WDPCP: variants seen among roughly 807,000 people sequenced by gnomAD.
WDPCP encodes the protein WD repeat containing planar cell polarity effector.
WDPCP carries 71 observed loss-of-function variants against 93.1 expected under a neutral mutation model. The observed-to-expected ratio is 0.76, with a 90% CI of 0.63 to 0.93. The LOEUF is 0.93. Among genes scored for constraint, WDPCP ranks in the 40% least tolerant of loss-of-function variants. WDPCP has a pLI of 0.00. For missense variants in WDPCP, 844 were observed against 887.4 expected, an observed-to-expected ratio of 0.95 and a Z score of 0.62; for synonymous variants, 315 against 315.0, an observed-to-expected ratio of 1.00 and a Z score of 0.00.
At chr2:63,501,679 C>T (rs1701562814) in intron 1 of WDPCP, among the ~76,000 whole-genome samples, 2 of 136,450 alleles carry the variant, frequency 1.5e-5, no homozygotes, top group African/African-American at 2.5e-5. Flanking sequence ...TGCAGCGGCG[C>T]GATCTCAGCT....
intron 1 of WDPCP, among the ~76,000 whole-genome samples, chr2:63,512,333 C>T (rs1388358175): frequency 5.9e-5 from 9 of 152,080 alleles, no homozygotes; most frequent in Admixed American, 4.6e-4. Flanking sequence ...GACAGTGTGG[C>T]GATTCCTCAA....
intron 1 of WDPCP, among the ~76,000 whole-genome samples, chr2:63,573,877 A>AG (rs1443455077): frequency 6.6e-6 from 1 of 151,980 alleles, no homozygotes; most frequent in Non-Finnish European, 1.5e-5. Flanking sequence ...TGGCCGCTTC[A>AG]GGGGGCAGCC....
intron 6 of WDPCP, among the ~76,000 whole-genome samples, chr2:63,480,927 A>G (rs1700230160): frequency 6.6e-6 from 1 of 152,200 alleles, no homozygotes; most frequent in Non-Finnish European, 1.5e-5. Flanking sequence ...AGCAAAAGGA[A>G]CAGTCAGCAG....
At chr2:63,234,215 C>T (rs990596908) in intron 14 of WDPCP, among the ~76,000 whole-genome samples, 1 of 152,146 alleles carries the variant, frequency 6.6e-6, no homozygotes, top group African/African-American at 2.4e-5. Context: ...GAGCAAGTCA[C>T]CTAGCCTGAG....
In WDPCP at chr2:63,460,334, C is replaced by T. The variant is rs554907212; in HGVS notation, c.385-20463G>A. On this transcript the variant is annotated intron_variant, in intron 6 of 17. Transcript: ENST00000272321. ...GGCACAGATACCAAAGACTGGGAAT[C>T]GGGGGTGGGGGAGAGAGTTCGGTTA... Among the ~76,000 whole-genome samples, 4 of 151,892 alleles carry T rather than the reference C, an allele frequency of 2.6e-5. No homozygotes were observed. The East Asian group carries it at 7.7e-4, about 29-fold the overall frequency.
intron 12 of WDPCP, among the ~76,000 whole-genome samples, chr2:63,337,177 C>T (rs896176125): frequency 1.5e-4 from 23 of 152,122 alleles, no homozygotes; most frequent in African/African-American, 5.1e-4. Context: ...CAGGCGTGAG[C>T]CACTGCGCAC....
chr2:63,437,695 A>G (rs11896820), intron 7 of WDPCP, 141 bp from the exon 8 acceptor site: 206,144 of 1,033,580 alleles, frequency 0.2, 22,044 homozygotes, highest in Middle Eastern at 0.34. Context: ...ATAGCATTTT[A>G]TAAAAATATT....
At chr2:63,299,092 A>T (rs539992681) in intron 13 of WDPCP, among the ~76,000 whole-genome samples, 26 of 152,314 alleles carry the variant, frequency 1.7e-4, no homozygotes, top group Non-Finnish European at 3.2e-4. Flanking sequence ...CTCTGGATGC[A>T]TGGAGAACGT....
intron 2 of WDPCP, among the ~76,000 whole-genome samples, chr2:63,686,193 G>A (rs945360441): frequency 2.0e-5 from 3 of 152,000 alleles, no homozygotes; most frequent in Admixed American, 2.0e-4. Context: ...CTTATATTTG[G>A]AAAAACTTAA....
chr2:63,652,511 G>C (rs1027832481), intron 2 of WDPCP, among the ~76,000 whole-genome samples: 4 of 152,154 alleles, frequency 2.6e-5, no homozygotes, highest in African/African-American at 7.2e-5. Context: ...GCAACTGTGT[G>C]GAAGGATCCC....
chr2:63,437,873 G>C (rs1697243406), intron 7 of WDPCP: 1 of 1,597,504 alleles, frequency 6.3e-7, no homozygotes, highest in Admixed American at 1.7e-5. Flanking sequence ...TGAATGTAGA[G>C]ACGAAAACAT....
intron 1 of WDPCP, among the ~76,000 whole-genome samples, chr2:63,533,616 T>A (rs1158718240): frequency 6.6e-6 from 1 of 152,060 alleles, no homozygotes; most frequent in Non-Finnish European, 1.5e-5. Context: ...AACTACTGGG[T>A]ACATAACGAA....
chr2:63,606,323 G>A (rs1052279943), intron 3 of WDPCP, among the ~76,000 whole-genome samples: 2 of 152,176 alleles, frequency 1.3e-5, no homozygotes, highest in African/African-American at 4.8e-5. Context: ...CAAGGCTGCA[G>A]TGAACCATGA....
At chr2:63,786,901 A>G (rs1160744792) in intron 2 of WDPCP, among the ~76,000 whole-genome samples, 1 of 152,188 alleles carries the variant, frequency 6.6e-6, no homozygotes, top group Non-Finnish European at 1.5e-5. Flanking sequence ...TTGTTATTTG[A>G]TGTATTCCAA....
At chr2:63,440,198 T>C (rs1316714892) in intron 6 of WDPCP, 2 of 227,504 alleles carry the variant, frequency 8.8e-6, no homozygotes, top group Non-Finnish European at 1.8e-5. Context: ...ATTCAGAAAA[T>C]GTAATGTATT....
intron 2 of WDPCP, among the ~76,000 whole-genome samples, chr2:63,796,471 G>A (rs1012150188): frequency 6.6e-6 from 1 of 152,242 alleles, no homozygotes; most frequent in African/African-American, 2.4e-5. Context: ...CAGAGTGTAA[G>A]ACAGTCTTGA....
intron 3 of WDPCP, chr2:63,600,065 A>G (rs901588725): frequency 6.6e-6 from 1 of 152,110 alleles, no homozygotes; most frequent in Non-Finnish European, 1.5e-5. Flanking sequence ...AGATAGGTCT[A>G]TGAGTTCAGT....
intron 10 of WDPCP, among the ~76,000 whole-genome samples, chr2:63,398,240 A>G (rs1693890724): frequency 6.6e-6 from 1 of 152,224 alleles, no homozygotes; most frequent in African/African-American, 2.4e-5. Flanking sequence ...TAAGGAGAGC[A>G]GTGAAGGTTG....
At chr2:63,520,577 C>T (rs140856146) in intron 1 of WDPCP, among the ~76,000 whole-genome samples, 170 of 152,190 alleles carry the variant, frequency 1.1e-3, no homozygotes, top group African/African-American at 3.6e-3. Context: ...GATTGGATGC[C>T]TACATTAAGC....
Sources: allele counts gnomAD v4.1 joint callset (sites outside exome capture counted in the v4.1 genomes callset), GRCh38; gene constraint gnomAD v4.1.1; transcripts MANE v1.5; gene names NCBI Gene and HGNC (gene_info 2026-07-23, HGNC 2026-07-21).